PLXNA4: variants seen among roughly 807,000 people sequenced by gnomAD.
PLXNA4 encodes the protein plexin-A4.
A neutral mutation model predicts 191.8 loss-of-function variants in PLXNA4; 44 were observed. The observed-to-expected ratio is 0.23, with a 90% CI of 0.18 to 0.29. The LOEUF (loss-of-function observed/expected upper bound fraction) is 0.29. PLXNA4 is among the 10% of genes least tolerant of loss of function. The pLI is 1.00. For synonymous variants in PLXNA4, 1,082 were observed against 1,009.5 expected (o/e 1.07, Z -1.36); for missense variants, 1,800 against 2,488.8 (o/e 0.72, Z 5.89).
At chr7:132,366,639 T>C (rs946469587) in intron 3 of PLXNA4, among the ~76,000 whole-genome samples, 3 of 152,194 alleles carry the variant, frequency 2.0e-5, no homozygotes, top group Non-Finnish European at 4.4e-5. Flanking sequence ...GAGGAATGAC[T>C]GATGTTGCAG....
intron 3 of PLXNA4, among the ~76,000 whole-genome samples, chr7:132,431,210 C>A (rs1389202096): frequency 6.6e-6 from 1 of 152,192 alleles, no homozygotes; most frequent in Non-Finnish European, 1.5e-5. Context: ...ATTTGCTAAT[C>A]TTGGTCAAAT....
chr7:132,433,152 T>C (rs1367140779), intron 3 of PLXNA4, among the ~76,000 whole-genome samples: 1 of 152,214 alleles, frequency 6.6e-6, no homozygotes, highest in African/African-American at 2.4e-5. Context: ...TTTCCTAAAT[T>C]CTATAAATGT....
At chr7:132,616,651 C>T (rs1007148311) in intron 2 of PLXNA4, among the ~76,000 whole-genome samples, 6 of 152,170 alleles carry the variant, frequency 3.9e-5, no homozygotes, top group African/African-American at 1.4e-4. Flanking sequence ...ATGTAACAGA[C>T]ATACTCAAAA....
chr7:132,421,211 G>A (rs1178934440), intron 3 of PLXNA4, among the ~76,000 whole-genome samples: 2 of 152,114 alleles, frequency 1.3e-5, no homozygotes, highest in Non-Finnish European at 2.9e-5. Flanking sequence ...TTTGTGTCTG[G>A]CTTATTTCAC....
intron 3 of PLXNA4, among the ~76,000 whole-genome samples, chr7:132,439,986 GCA>G (rs10531807): frequency 0.052 from 4,365 of 83,932 alleles, 247 homozygotes; most frequent in East Asian, 0.39. Context: ...GTGTGCATGT[GCA>G]TGTGTGAGTG....
chr7:132,402,764 C>T (rs1407112315), intron 3 of PLXNA4, among the ~76,000 whole-genome samples: 9 of 152,116 alleles, frequency 5.9e-5, no homozygotes. Context: ...ACACCTCCTA[C>T]ATTATTACCA....
intron 3 of PLXNA4, among the ~76,000 whole-genome samples, chr7:132,313,581 C>T (rs148704079): frequency 5.3e-5 from 8 of 152,122 alleles, no homozygotes; most frequent in Middle Eastern, 3.4e-3. Context: ...AAGGGAATGC[C>T]GTGTGGGTGG....
At chr7:132,159,436 G>A in intron 25 of PLXNA4, 37 bp downstream of exon 25, 1 of 1,609,462 alleles carries the variant, frequency 6.2e-7, no homozygotes. Context: ...TTCAGGAGCA[G>A]CCACAAGGAC....
At chr7:132,523,507 A>G (rs909097082) in intron 1 of PLXNA4, among the ~76,000 whole-genome samples, 2 of 152,240 alleles carry the variant, frequency 1.3e-5, no homozygotes, top group Admixed American at 6.5e-5. Context: ...CCAGAAGAGC[A>G]CGGAAGGATG....
rs1056928378 is a variant in PLXNA4 at position 132,145,065 on chromosome 7, G to A, written c.5225+54C>T. 5 of 1,611,792 alleles carry A rather than the reference G, an allele frequency of 3.1e-6. No homozygotes were observed. In the African/African-American group the frequency reaches 6.7e-5, roughly 22 times the overall value. ...CCCAGAGTCCCACCACCATTAACTT[G>A]AGGCTGGGTGGGCTCAGGGCTCCCG... On this transcript the variant is annotated intron_variant, in intron 29 of 31. Transcript: ENST00000321063.
At chr7:132,421,552 A>G (rs1487391194) in intron 3 of PLXNA4, among the ~76,000 whole-genome samples, 1 of 150,166 alleles carries the variant, frequency 6.7e-6, no homozygotes, top group East Asian at 1.9e-4. Flanking sequence ...TTTAAATCTT[A>G]GCTGCTTCTT....
At chr7:132,233,020 A>C (rs1233015270) in intron 5 of PLXNA4, among the ~76,000 whole-genome samples, 1 of 152,148 alleles carries the variant, frequency 6.6e-6, no homozygotes, top group East Asian at 1.9e-4. Flanking sequence ...GATGATCCCC[A>C]ATCCTTAACA....
chr7:132,385,243 G>A (rs761490736), intron 3 of PLXNA4: 15 of 1,613,932 alleles, frequency 9.3e-6, no homozygotes, highest in Non-Finnish European at 8.5e-7. Flanking sequence ...TGCTCTGTGG[G>A]ATCGGGGTCC....
intron 4 of PLXNA4, among the ~76,000 whole-genome samples, chr7:132,260,557 A>C (rs1799601828): frequency 6.6e-6 from 1 of 152,090 alleles, no homozygotes; most frequent in African/African-American, 2.4e-5. Context: ...AAAACTGTCT[A>C]TCTGGTACTA....
chr7:132,180,553 G>A (rs758783072), intron 19 of PLXNA4, 33 bp downstream of exon 19: 10 of 1,613,114 alleles, frequency 6.2e-6, no homozygotes, highest in Middle Eastern at 1.7e-4. Context: ...CCTACTGCCC[G>A]CTCCATCCAG....
chr7:132,590,377 G>C (rs1802585432), intron 2 of PLXNA4, among the ~76,000 whole-genome samples: 1 of 152,172 alleles, frequency 6.6e-6, no homozygotes, highest in Non-Finnish European at 1.5e-5. Flanking sequence ...ATATAAAGAG[G>C]AGTTTATTAA....
chr7:132,422,575 G>A (rs775791806), intron 3 of PLXNA4, among the ~76,000 whole-genome samples: 52 of 152,314 alleles, frequency 3.4e-4, no homozygotes, highest in Admixed American at 1.8e-3. Flanking sequence ...AGACAGATTC[G>A]TGTTGGCCAT....
intron 21 of PLXNA4, among the ~76,000 whole-genome samples, chr7:132,172,524 C>T (rs1489630617): frequency 6.6e-6 from 1 of 152,114 alleles, no homozygotes; most frequent in Non-Finnish European, 1.5e-5. Context: ...TAATCAATGG[C>T]TTGTTTCCAT....
At chr7:132,634,483 C>A (rs1047617156) in intron 2 of PLXNA4, among the ~76,000 whole-genome samples, 1 of 151,606 alleles carries the variant, frequency 6.6e-6, no homozygotes, top group Non-Finnish European at 1.5e-5. Context: ...CACACACACA[C>A]TACACACACA....
Sources: gnomAD v4.1 joint callset for allele counts (sites outside exome capture counted in the v4.1 genomes callset) on GRCh38, gnomAD v4.1.1 for gene constraint, MANE v1.5 for transcripts, NCBI Gene and HGNC (gene_info 2026-07-23, HGNC 2026-07-21) for gene names.